NRF1: variants seen among roughly 807,000 people sequenced by gnomAD.
NRF1 encodes the protein alpha palindromic-binding protein.
NRF1 carries 5 observed loss-of-function variants against 58.5 expected under a neutral mutation model. The observed-to-expected ratio is 0.09, with a 90% CI of 0.04 to 0.18. The LOEUF (loss-of-function observed/expected upper bound fraction) is 0.18, where lower values mean the gene tolerates loss of function less well. Among genes scored for constraint, NRF1 ranks in the 10% least tolerant of loss-of-function variants. The pLI is 1.00. For synonymous variants in NRF1, 224 were observed against 246.7 expected, an observed-to-expected ratio of 0.91 and a Z score of 0.86; for missense variants, 288 against 657.7, an observed-to-expected ratio of 0.44 and a Z score of 6.15.
At position 129,736,039 on chromosome 7, in the gene NRF1, A is replaced by T. The variant is rs187680128; in HGVS notation, c.1348+8674A>T. Among the ~76,000 whole-genome samples, 299 of 152,226 alleles carry T rather than the reference A, an allele frequency of 2.0e-3. 3 individuals are homozygous for T. Among genetic ancestry groups the T allele is most frequent in the African/African-American group, 6.4e-3 (267 of 41,544 alleles). ...TAAATAAAATACAAAATAAAAAAAT[A>T]AAATTATAAGACCCCACCCTGCCTT... is the stretch of plus-strand genomic sequence containing the variant. On this transcript the variant is annotated intron_variant, in intron 10 of 10. Coordinates refer to ENST00000393232, the MANE Select transcript of NRF1 (RefSeq NM_005011.5).
intron 5 of NRF1, 120 bp downstream of exon 5, chr7:129,690,666 G>C: frequency 9.6e-7 from 1 of 1,041,882 alleles, no homozygotes; most frequent in Non-Finnish European, 1.4e-6. Flanking sequence ...ATGCTGACTG[G>C]AGTCTTGTAG....
intron 1 of NRF1, among the ~76,000 whole-genome samples, chr7:129,643,216 G>A (rs969588265): frequency 6.6e-5 from 10 of 152,132 alleles, no homozygotes; most frequent in Non-Finnish European, 1.2e-4. Flanking sequence ...GAAAAATCAT[G>A]AATTGAGCTG....
At chr7:129,727,162 G>A in intron 9 of NRF1, 79 bp from the exon 10 acceptor site, 1 of 1,426,840 alleles carries the variant, frequency 7.0e-7, no homozygotes, top group Non-Finnish European at 9.2e-7. Flanking sequence ...ACCCAAGGAA[G>A]GCATTGAAAG....
At position 129,669,312 on chromosome 7, in the gene NRF1, C is replaced by T. The variant is rs1392046855; in HGVS notation, c.224-2117C>T. Among the ~76,000 whole-genome samples the T allele has an allele frequency of 2.0e-5, 3 of 152,084 alleles. No homozygotes were observed. In the South Asian group the frequency reaches 6.2e-4, roughly 32 times the overall value. ...TTGAATGTATACTTGGATTTGTATA[C>T]TTCACTATATGCAAATTTTACCTCA... On this transcript the variant is annotated intron_variant, in intron 2 of 10. Coordinates refer to ENST00000393232, the MANE Select transcript of NRF1 (RefSeq NM_005011.5).
chr7:129,735,260 G>C (rs957249509), intron 10 of NRF1: 1 of 984,854 alleles, frequency 1.0e-6, no homozygotes, highest in Non-Finnish European at 1.2e-6. Context: ...TGCTGGGTGC[G>C]GTGGCTCACG....
At chr7:129,742,473 G>A (rs955903435) in intron 10 of NRF1, among the ~76,000 whole-genome samples, 7 of 152,094 alleles carry the variant, frequency 4.6e-5, no homozygotes, top group African/African-American at 1.2e-4. Flanking sequence ...CCTTATTCCC[G>A]TAGCACTGTA....
chr7:129,698,341 G>A (rs4440554), intron 5 of NRF1, among the ~76,000 whole-genome samples: 1 of 111,204 alleles, frequency 9.0e-6, no homozygotes. Flanking sequence ...GCAGGGGGGT[G>A]GGGGGTGGGT....
rs1030090152 is a variant in NRF1, at chr7:129,625,925, A to G, written c.-7+14101A>G. On this transcript the variant is annotated intron_variant, in intron 1 of 10. Transcript: ENST00000393232. ...TCTTGATTTTCCGACCTTGTGATCC[A>G]CCCGCCTTGGCCTCCCAAAGTGCTG... Among the ~76,000 whole-genome samples the G allele has an allele frequency of 2.0e-4, 30 of 151,710 alleles. 1 individual carries two copies. The highest frequency in any genetic ancestry group is 6.6e-4 in the Admixed American group (10 of 15,264).
At chr7:129,710,643 GAA>G (rs1803051493) in intron 7 of NRF1, 72 bp downstream of exon 7, 1 of 810,428 alleles carries the variant, frequency 1.2e-6, no homozygotes, top group Non-Finnish European at 2.2e-6. Context: ...TCAGACTAGG[GAA>G]AGTTTCCTTT....
In NRF1 at chr7:129,755,012, C is replaced by A; in HGVS notation, c.1349-6C>A. On this transcript the variant is annotated splice_polypyrimidine_tract_variant and splice_region_variant and intron_variant, in intron 10 of 10. Coordinates refer to ENST00000393232, the MANE Select transcript of NRF1 (RefSeq NM_005011.5). The surrounding 1 kb of genome is among the most constrained non-coding windows in gnomAD (Gnocchi z 5.8). ...CCCACCAACGGTCTTCTCTTTGTCT[C>A]TCCAGGCCTGGTCCAGATCCCTGTG... 6.2e-7 allele frequency: 1 copy of A among 1,602,670 alleles called. No homozygotes were observed. Among genetic ancestry groups the A allele is most frequent in the Non-Finnish European group, 8.5e-7 (1 of 1,175,322 alleles).
chr7:129,690,192 G>A (rs1463014257), intron 4 of NRF1, among the ~76,000 whole-genome samples: 1 of 152,154 alleles, frequency 6.6e-6, no homozygotes, highest in Non-Finnish European at 1.5e-5. Context: ...CTCTTCTATT[G>A]TTGTTACCTG....
At chr7:129,718,582 A>C (rs967500057) in intron 9 of NRF1, among the ~76,000 whole-genome samples, 3 of 152,258 alleles carry the variant, frequency 2.0e-5, no homozygotes, top group Admixed American at 6.5e-5. Flanking sequence ...TAAAACACTT[A>C]GCAAACAGTA....
At chr7:129,612,431 A>G (rs562812871) in intron 1 of NRF1, among the ~76,000 whole-genome samples, 1 of 152,258 alleles carries the variant, frequency 6.6e-6, no homozygotes, top group Admixed American at 6.5e-5. Flanking sequence ...CTTGTTACCC[A>G]GGTAGACTGG....
chr7:129,702,245 G>A (rs1412140134), intron 5 of NRF1, among the ~76,000 whole-genome samples: 1 of 152,148 alleles, frequency 6.6e-6, no homozygotes, highest in Admixed American at 6.6e-5. Flanking sequence ...AGGACTTTAA[G>A]AGCATTTTGA....
chr7:129,717,529 T>C (rs564793530), intron 9 of NRF1, among the ~76,000 whole-genome samples, 153 bp downstream of exon 9: 1 of 152,224 alleles, frequency 6.6e-6, no homozygotes, highest in Non-Finnish European at 1.5e-5. Flanking sequence ...GTTTGGCCTA[T>C]AATAGGTCAG....
chr7:129,715,203 G>A (rs1479378146), intron 8 of NRF1, among the ~76,000 whole-genome samples: 1 of 152,166 alleles, frequency 6.6e-6, no homozygotes, highest in Non-Finnish European at 1.5e-5. Context: ...GGGACATTTG[G>A]CAATACCTGG....
At chr7:129,628,611 GCT>G (rs1800975491) in intron 1 of NRF1, among the ~76,000 whole-genome samples, 1 of 152,162 alleles carries the variant, frequency 6.6e-6, no homozygotes, top group South Asian at 2.1e-4. Flanking sequence ...AGTCTCATCT[GCT>G]TTTGCACTCA....
At chr7:129,659,900 G>T (rs1034412313) in intron 2 of NRF1, among the ~76,000 whole-genome samples, 4 of 152,132 alleles carry the variant, frequency 2.6e-5, no homozygotes, top group African/African-American at 7.2e-5. Context: ...AAAGACAGAA[G>T]ATTTTCTTCT....
At chr7:129,693,683 A>G (rs889810198) in intron 5 of NRF1, among the ~76,000 whole-genome samples, 15 of 152,116 alleles carry the variant, frequency 9.9e-5, no homozygotes, top group African/African-American at 3.6e-4. Context: ...CTGTCTTTTT[A>G]CAGTTTCTAT....
Sources: allele counts gnomAD v4.1 joint callset (sites outside exome capture counted in the v4.1 genomes callset), GRCh38; gene constraint gnomAD v4.1.1; non-coding constraint Gnocchi (gnomAD v3.1); transcripts MANE v1.5; gene names NCBI Gene and HGNC (gene_info 2026-07-23, HGNC 2026-07-21).